Variants in ADCY2 observed in about 807,000 individuals in gnomAD.
ADCY2 encodes the protein adenylate cyclase type 2.
ADCY2 carries 31 observed loss-of-function variants against 125.2 expected under a neutral mutation model. The observed-to-expected ratio is 0.25, with a 90% CI of 0.19 to 0.33. The LOEUF is 0.33. Ranked by LOEUF, ADCY2 falls within the 10% of genes least tolerant of loss-of-function variation. The probability of loss-of-function intolerance (pLI) is 1.00; values close to 1 mark genes in which losing one functional copy is unlikely to be tolerated. For synonymous variants in ADCY2, 512 were observed against 548.4 expected (o/e 0.93, Z 0.93); for missense variants, 904 against 1,418.2 (o/e 0.64, Z 5.82).
intron 17 of ADCY2, among the ~76,000 whole-genome samples, chr5:7,771,429 C>T (rs1056412848): frequency 6.6e-6 from 1 of 152,168 alleles, no homozygotes; most frequent in Non-Finnish European, 1.5e-5. Flanking sequence ...GAAGGGTGGC[C>T]TTCACATTCC....
At chr5:7,497,518 AT>A (rs952313583) in intron 2 of ADCY2, among the ~76,000 whole-genome samples, 1 of 152,186 alleles carries the variant, frequency 6.6e-6, no homozygotes, top group Non-Finnish European at 1.5e-5. Flanking sequence ...CGGCCTCATA[AT>A]CTAAATTTTT....
intron 4 of ADCY2, among the ~76,000 whole-genome samples, chr5:7,667,943 G>T (rs1739813753): frequency 6.6e-6 from 1 of 152,152 alleles, no homozygotes; most frequent in Admixed American, 6.5e-5. Context: ...ACCTGTCTGT[G>T]CCATTTCAGG....
At chr5:7,687,750 T>C (rs1740563731) in intron 4 of ADCY2, among the ~76,000 whole-genome samples, 1 of 152,168 alleles carries the variant, frequency 6.6e-6, no homozygotes, top group Admixed American at 6.5e-5. Flanking sequence ...GAAGGGAATA[T>C]GAGTAGGATA....
At chr5:7,585,058 G>A (rs1178722454) in intron 3 of ADCY2, among the ~76,000 whole-genome samples, 1 of 152,110 alleles carries the variant, frequency 6.6e-6, no homozygotes, top group Non-Finnish European at 1.5e-5. Flanking sequence ...GGGGCTATGG[G>A]CACAGACATA....
intron 2 of ADCY2, among the ~76,000 whole-genome samples, chr5:7,469,698 T>C (rs773251612): frequency 6.6e-6 from 1 of 151,920 alleles, no homozygotes; most frequent in Non-Finnish European, 1.5e-5. Flanking sequence ...CTGTTCATTC[T>C]AGTTTATTTT....
intron 4 of ADCY2, among the ~76,000 whole-genome samples, chr5:7,631,426 T>TGGCCCCAGATCACTC (rs1227858698): frequency 1.3e-5 from 2 of 152,202 alleles, no homozygotes; most frequent in African/African-American, 4.8e-5. Context: ...TCACATTACT[T>TGGCCCCAGATCACTC]GGCCCCAGAT....
chr5:7,780,738 G>A (rs1743893852), intron 18 of ADCY2, among the ~76,000 whole-genome samples: 1 of 150,902 alleles, frequency 6.6e-6, no homozygotes, highest in African/African-American at 2.4e-5. Context: ...TAATGTTTGT[G>A]TCTATGTGCC....
chr5:7,634,956 G>A lies in ADCY2; in HGVS notation c.720+8640G>A, dbSNP rs540607483. ...GCTTCTCTGGGGATGTGATATCTAG[G>A]TTGAAATATGAATTGCTGAAGGTCT... On this transcript the variant is annotated intron_variant, in intron 4 of 24. Coordinates refer to ENST00000338316, the MANE Select transcript of ADCY2 (RefSeq NM_020546.3). 2.0e-5 allele frequency among the ~76,000 whole-genome samples: 3 copies of A among 152,250 alleles called. No homozygotes were observed. In the South Asian group the frequency reaches 6.2e-4, roughly 32 times the overall value.
chr5:7,689,016 T>G lies in ADCY2; in HGVS notation c.721-1675T>G, dbSNP rs1036760192. On this transcript the variant is annotated intron_variant, in intron 4 of 24. Transcript: ENST00000338316. ...GGGTAGATGATGGAGTAGTTCTTTA[T>G]ATAAAGATGATGAAAGCTAGCAATA... 3.4e-4 allele frequency among the ~76,000 whole-genome samples: 52 copies of G among 152,200 alleles called. 1 individual carries two copies. The highest frequency in any genetic ancestry group is 1.2e-3 in the African/African-American group (51 of 41,454).
chr5:7,683,575 A>G (rs1740410363), intron 4 of ADCY2, among the ~76,000 whole-genome samples: 1 of 152,114 alleles, frequency 6.6e-6, no homozygotes, highest in Non-Finnish European at 1.5e-5. Flanking sequence ...GATGAGGCCC[A>G]CAGTGGCTCT....
chr5:7,737,178 G>A (rs561761872), intron 14 of ADCY2, among the ~76,000 whole-genome samples: 13 of 152,180 alleles, frequency 8.5e-5, no homozygotes, highest in African/African-American at 2.2e-4. Context: ...AGGTATTTCC[G>A]AAAGGGAATT....
chr5:7,519,769 G>A (rs1004810561), intron 2 of ADCY2, among the ~76,000 whole-genome samples: 17 of 151,986 alleles, frequency 1.1e-4, no homozygotes, highest in Non-Finnish European at 1.5e-5. Context: ...CATCATCCCC[G>A]AAGGAAACCG....
At chr5:7,559,223 T>C (rs1034737582) in intron 3 of ADCY2, among the ~76,000 whole-genome samples, 3 of 152,176 alleles carry the variant, frequency 2.0e-5, no homozygotes, top group Non-Finnish European at 4.4e-5. Context: ...ATCTCAGTGG[T>C]AGTTTAACTG....
intron 3 of ADCY2, among the ~76,000 whole-genome samples, chr5:7,523,236 A>G (rs1019190650): frequency 6.6e-6 from 1 of 151,022 alleles, no homozygotes; most frequent in African/African-American, 2.4e-5. Context: ...GAAGAACTTT[A>G]TGTATTGCAG....
intron 12 of ADCY2, among the ~76,000 whole-genome samples, chr5:7,721,873 A>T (rs1221499050): frequency 1.3e-5 from 2 of 152,200 alleles, no homozygotes; most frequent in Non-Finnish European, 2.9e-5. Context: ...TATACGGGAA[A>T]ATCTTCAAAT....
chr5:7,563,329 G>A (rs1037216862), intron 3 of ADCY2, among the ~76,000 whole-genome samples: 3 of 152,158 alleles, frequency 2.0e-5, no homozygotes, highest in African/African-American at 2.4e-5. Context: ...AATATGCAGA[G>A]GAAACTAGCG....
At chr5:7,466,129 A>G (rs1399451474) in intron 2 of ADCY2, among the ~76,000 whole-genome samples, 1 of 152,218 alleles carries the variant, frequency 6.6e-6, no homozygotes, top group Non-Finnish European at 1.5e-5. Context: ...TACTGCTGCT[A>G]TGATAAATTA....
At chr5:7,765,239 C>T (rs1279053893) in intron 16 of ADCY2, among the ~76,000 whole-genome samples, 1 of 152,126 alleles carries the variant, frequency 6.6e-6, no homozygotes, top group East Asian at 1.9e-4. Flanking sequence ...AGTAACCCAC[C>T]AAGCTAAACA....
At chr5:7,483,598 GA>G (rs1742815908) in intron 2 of ADCY2, among the ~76,000 whole-genome samples, 1 of 152,164 alleles carries the variant, frequency 6.6e-6, no homozygotes, top group Non-Finnish European at 1.5e-5. Context: ...GTTCTGACAT[GA>G]CCTCGGGTGT....
Sources: allele counts gnomAD v4.1 joint callset (sites outside exome capture counted in the v4.1 genomes callset), GRCh38; gene constraint gnomAD v4.1.1; transcripts MANE v1.5; gene names NCBI Gene and HGNC (gene_info 2026-07-23, HGNC 2026-07-21).